Variants in COA1 observed in about 807,000 individuals in gnomAD.
COA1 encodes cytochrome c oxidase assembly factor 1, also known as cytochrome c oxidase assembly factor 1 homolog.
A neutral mutation model predicts 16.0 loss-of-function variants in COA1; 13 were observed. The observed-to-expected ratio is 0.81, with a 90% confidence interval of 0.53 to 1.29. COA1 has a LOEUF of 1.29. Among genes scored for constraint, COA1 ranks in the 50% most tolerant of loss-of-function variants. The pLI, the probability that COA1 is intolerant of heterozygous loss-of-function variation, is 0.00. For missense variants in COA1, 179 were observed against 177.0 expected (o/e 1.01, Z -0.06); for synonymous variants, 65 against 65.7 (o/e 0.99, Z 0.05).
rs528499873 is a variant in COA1 at position 43,707,374 on chromosome 7, A to T, written c.-39+22055T>A. 1.7e-4 allele frequency among the ~76,000 whole-genome samples: 26 copies of T among 152,270 alleles called. No homozygotes were observed. The South Asian group carries it at 2.5e-3, about 15-fold the overall frequency. ...TAAAAACTGAGTGGTTCTTTTTTTT[A>T]AAAGTCTATCACACAAAGAAAAGTG... On this transcript the variant is annotated intron_variant, in intron 1 of 5. Transcript: ENST00000223336.
intron 1 of COA1, among the ~76,000 whole-genome samples, chr7:43,699,669 T>C (rs1370102573): frequency 6.6e-6 from 1 of 152,200 alleles, no homozygotes; most frequent in Non-Finnish European, 1.5e-5. Context: ...GGCTTCAAAG[T>C]GACACTAAGC....
intron 1 of COA1, among the ~76,000 whole-genome samples, chr7:43,685,375 TTC>T (rs1362547483): frequency 6.6e-6 from 1 of 152,138 alleles, no homozygotes; most frequent in Non-Finnish European, 1.5e-5. Context: ...AGATTTTAAT[TTC>T]TGACGTGTCA....
At chr7:43,618,735 C>T (rs551992108) in intron 6 of COA1, among the ~76,000 whole-genome samples, 1 of 152,116 alleles carries the variant, frequency 6.6e-6, no homozygotes, top group Admixed American at 6.5e-5. Flanking sequence ...AAAATGACTC[C>T]ATGGATATGA....
chr7:43,665,667 T>C (rs973713779), intron 1 of COA1: 13 of 152,384 alleles, frequency 8.5e-5, no homozygotes, highest in Admixed American at 6.5e-4. Flanking sequence ...CAGTTCCACA[T>C]GGCTGGGGAG....
chr7:43,662,962 G>C (rs2092585294), intron 1 of COA1, among the ~76,000 whole-genome samples: 1 of 152,160 alleles, frequency 6.6e-6, no homozygotes, highest in Non-Finnish European at 1.5e-5. Flanking sequence ...CTAAAGTCTT[G>C]ATATAGTTTG....
chr7:43,665,728 T>C (rs1040574408), intron 1 of COA1: 2 of 152,380 alleles, frequency 1.3e-5, no homozygotes, highest in African/African-American at 4.8e-5. Flanking sequence ...CACCTCTTCA[T>C]GGCGGCAGGC....
intron 6 of COA1, among the ~76,000 whole-genome samples, chr7:43,633,982 T>C (rs34743434): frequency 0.087 from 13,187 of 152,300 alleles, 673 homozygotes; most frequent in East Asian, 0.18. Flanking sequence ...CTCCTCATTC[T>C]GCTGTTTAAC....
chr7:43,718,114 T>C (rs886991204), intron 1 of COA1, among the ~76,000 whole-genome samples: 5 of 152,248 alleles, frequency 3.3e-5, no homozygotes, highest in African/African-American at 1.2e-4. Flanking sequence ...CTGCCAACTT[T>C]AGGACTTATT....
intron 1 of COA1, among the ~76,000 whole-genome samples, chr7:43,654,952 T>C (rs2091475706): frequency 1.3e-5 from 2 of 152,154 alleles, no homozygotes; most frequent in Non-Finnish European, 2.9e-5. Flanking sequence ...ACATTATAAA[T>C]TTGGAACAAA....
At chr7:43,667,868 C>A (rs1258596485) in intron 1 of COA1, among the ~76,000 whole-genome samples, 1 of 152,094 alleles carries the variant, frequency 6.6e-6, no homozygotes, top group Non-Finnish European at 1.5e-5. Context: ...CTATTTATGG[C>A]CTTTAATAAT....
At chr7:43,641,710 C>G (rs1012282914) in intron 4 of COA1, 1 of 152,182 alleles carries the variant, frequency 6.6e-6, no homozygotes, top group Non-Finnish European at 1.5e-5. Flanking sequence ...CCCAGCACCA[C>G]AGGCTGGGCT....
At position 43,647,272 on chromosome 7, in the gene COA1, A is replaced by G. The variant is rs1038954406; in HGVS notation, c.115+263T>C. 1.3e-5 allele frequency: 7 copies of G among 528,432 alleles called. No individual in the cohort carries two copies. The Admixed American group carries it at 2.3e-4, about 17-fold the overall frequency. 32.7% of individuals were successfully genotyped at this position (528,432 alleles called of 1,614,324 possible). A position where few individuals can be genotyped will look rare whatever the true frequency, so the allele number is the denominator to read the frequency against. On this transcript the variant is annotated intron_variant, in intron 3 of 5. Transcript: ENST00000223336. ...ATCTTGATGGAGCCCCTGTGTGTGC[A>G]CTGGACTGAAAGCCCATCGTGCTTT...
intron 1 of COA1, among the ~76,000 whole-genome samples, chr7:43,702,533 C>T (rs370277294): frequency 2.6e-4 from 39 of 152,166 alleles, no homozygotes; most frequent in African/African-American, 8.9e-4. Context: ...TAATATGATG[C>T]CTCCAACTTT....
At chr7:43,617,142 C>A (rs80282573) in intron 6 of COA1, among the ~76,000 whole-genome samples, 2 of 150,542 alleles carry the variant, frequency 1.3e-5, no homozygotes, top group Non-Finnish European at 2.9e-5. Flanking sequence ...TTCATGGAGC[C>A]GGGGGATCAT....
At chr7:43,717,544 G>T (rs1029595234) in intron 1 of COA1, among the ~76,000 whole-genome samples, 12 of 152,136 alleles carry the variant, frequency 7.9e-5, no homozygotes, top group Admixed American at 5.2e-4. Context: ...GATTTTACGG[G>T]CTTATAGGCA....
chr7:43,673,136 T>C (rs2093352468), intron 1 of COA1, among the ~76,000 whole-genome samples: 2 of 152,198 alleles, frequency 1.3e-5, no homozygotes, highest in African/African-American at 2.4e-5. Flanking sequence ...CCAAAGGCAA[T>C]TGTAACAAAA....
intron 1 of COA1, among the ~76,000 whole-genome samples, chr7:43,680,863 C>A (rs1474619207): frequency 1.3e-5 from 2 of 151,698 alleles, no homozygotes; most frequent in African/African-American, 4.8e-5. Flanking sequence ...TGCAGCTACT[C>A]GGGAGGCTGA....
chr7:43,681,211 G>T (rs1024997558), intron 1 of COA1, among the ~76,000 whole-genome samples: 2 of 152,094 alleles, frequency 1.3e-5, no homozygotes, highest in African/African-American at 2.4e-5. Context: ...TCCATTTTCT[G>T]CAGGATCAGC....
chr7:43,639,531 A>G lies in COA1; in HGVS notation c.*51T>C, dbSNP rs756166648. 3 of 1,460,330 alleles carry G rather than the reference A, an allele frequency of 2.1e-6. No individual in the cohort carries two copies. Among genetic ancestry groups the G allele is most frequent in the South Asian group, 2.3e-5 (2 of 87,802 alleles). 90.5% of individuals were successfully genotyped at this position (1,460,330 alleles called of 1,614,324 possible). A position where few individuals can be genotyped will look rare whatever the true frequency, so the allele number is the denominator to read the frequency against. ...GCCACCACCCCAGTGGCCATATGGT[A>G]GAGATGAGGGAAGGATGGACTAGAA... On this transcript the variant is annotated 3_prime_UTR_variant, in exon 6 of 6. Transcript: ENST00000223336.
Sources: gnomAD v4.1 joint callset for allele counts (sites outside exome capture counted in the v4.1 genomes callset) on GRCh38, gnomAD v4.1.1 for gene constraint, MANE v1.5 for transcripts, NCBI Gene and HGNC (gene_info 2026-07-23, HGNC 2026-07-21) for gene names.